The following R3HDM2 variants were observed in gnomAD, a reference collection of about 807,000 sequenced individuals.
R3HDM2 encodes R3H domain-containing protein 2.
Under a neutral mutation model 124.5 loss-of-function variants are expected in R3HDM2, and 38 were observed. The ratio of observed to expected loss-of-function variants is 0.31; its 90% CI spans 0.24 to 0.40. R3HDM2 has a LOEUF of 0.40. R3HDM2 is among the 10% of genes least tolerant of loss of function. The pLI is 1.00. For synonymous variants in R3HDM2, 391 were observed against 448.0 expected, an observed-to-expected ratio of 0.87 and a Z score of 1.61; for missense variants, 869 against 1,236.9, an observed-to-expected ratio of 0.70 and a Z score of 4.46.
intron 1 of R3HDM2, among the ~76,000 whole-genome samples, chr12:57,406,626 C>A (rs981484896): frequency 2.0e-5 from 3 of 152,056 alleles, no homozygotes; most frequent in Admixed American, 6.6e-5. Context: ...CATTTATAAT[C>A]TCTAATGAAG....
At chr12:57,405,042 T>A (rs2068403762) in intron 1 of R3HDM2, among the ~76,000 whole-genome samples, 2 of 152,096 alleles carry the variant, frequency 1.3e-5, no homozygotes, top group Non-Finnish European at 2.9e-5. Context: ...CTTTCTCTTT[T>A]TTCAAGACAG....
At chr12:57,387,958 CAA>C (rs1187584267) in intron 2 of R3HDM2, among the ~76,000 whole-genome samples, 48 of 31,504 alleles carry the variant, frequency 1.5e-3, no homozygotes, top group South Asian at 0.013. Context: ...TCAAGACAGA[CAA>C]AAAAAATTTT....
intron 2 of R3HDM2, among the ~76,000 whole-genome samples, chr12:57,375,751 C>G (rs2138125811): frequency 6.6e-6 from 1 of 150,984 alleles, no homozygotes; most frequent in East Asian, 2.0e-4. Flanking sequence ...CGGCTCACTA[C>G]AACCTCTGAC....
intron 2 of R3HDM2, among the ~76,000 whole-genome samples, chr12:57,332,553 T>C: frequency 6.6e-6 from 1 of 152,138 alleles, no homozygotes; most frequent in East Asian, 1.9e-4. Flanking sequence ...TCAGGATGGC[T>C]TTCCCAAATT....
chr12:57,392,899 G>C (rs1248075668), intron 2 of R3HDM2, among the ~76,000 whole-genome samples: 1 of 151,118 alleles, frequency 6.6e-6, no homozygotes, highest in Non-Finnish European at 1.5e-5. Context: ...CCACCTCCTG[G>C]GTTCACGCCA....
At chr12:57,396,465 TAAAAAATA>T (rs1168893968) in intron 1 of R3HDM2, among the ~76,000 whole-genome samples, 2 of 144,388 alleles carry the variant, frequency 1.4e-5, no homozygotes, top group East Asian at 2.1e-4. Flanking sequence ...ATAAATAAAA[TAAAAAATA>T]AAAAAATAAA....
At chr12:57,262,562 C>T (rs558194352) in intron 19 of R3HDM2, among the ~76,000 whole-genome samples, 8 of 152,274 alleles carry the variant, frequency 5.3e-5, no homozygotes, top group African/African-American at 1.9e-4. Context: ...TAAACCAGAA[C>T]AGTTGTTCCA....
In R3HDM2 at chr12:57,274,650, A is replaced by G. The variant is rs540899703; in HGVS notation, c.1345-4656T>C. Among the ~76,000 whole-genome samples the G allele has an allele frequency of 7.2e-5, 11 of 152,312 alleles. No individual in the cohort carries two copies. The South Asian group carries it at 2.3e-3, about 32-fold the overall frequency. Reference sequence around the variant, plus strand: ...CTATTTTTTTAGTTACTCCACAGCTATCCTCAGCCATAGTTCTCTTCTTGA... The same window carrying G: ...CTATTTTTTTAGTTACTCCACAGCTGTCCTCAGCCATAGTTCTCTTCTTGA... On this transcript the variant is annotated intron_variant, in intron 14 of 23. Transcript: ENST00000402412.
chr12:57,407,982 T>A (rs184913956), intron 1 of R3HDM2, among the ~76,000 whole-genome samples: 32 of 152,096 alleles, frequency 2.1e-4, no homozygotes, highest in African/African-American at 6.5e-4. Context: ...CAGGCTGGAG[T>A]GCAGTGGCGC....
At chr12:57,334,301 T>G (rs1256004723) in intron 2 of R3HDM2, among the ~76,000 whole-genome samples, 1 of 152,220 alleles carries the variant, frequency 6.6e-6, no homozygotes, top group Non-Finnish European at 1.5e-5. Flanking sequence ...ATTTCACAGT[T>G]TCTATATACA....
chr12:57,369,212 A>G (rs1594046734), intron 2 of R3HDM2, among the ~76,000 whole-genome samples: 1 of 152,286 alleles, frequency 6.6e-6, no homozygotes, highest in East Asian at 1.9e-4. Flanking sequence ...ACCTCTTAAA[A>G]GGTGAAGGAC....
At chr12:57,286,724 C>A (rs1193384948) in intron 12 of R3HDM2, among the ~76,000 whole-genome samples, 1 of 152,016 alleles carries the variant, frequency 6.6e-6, no homozygotes, top group East Asian at 1.9e-4. Flanking sequence ...ACTAAAAACA[C>A]AAAATTAGCC....
chr12:57,424,055 G>A (rs527361050), intron 1 of R3HDM2, among the ~76,000 whole-genome samples: 7 of 137,840 alleles, frequency 5.1e-5, no homozygotes, highest in South Asian at 4.7e-4. Flanking sequence ...CGGAGGTTGC[G>A]GTGAGCCAAG....
chr12:57,357,525 T>A (rs2061434622), intron 2 of R3HDM2, among the ~76,000 whole-genome samples: 1 of 152,080 alleles, frequency 6.6e-6, no homozygotes, highest in African/African-American at 2.4e-5. Flanking sequence ...AGTGATGTTG[T>A]CTCTCTCATA....
At chr12:57,328,013 T>C (rs1174772274) in intron 2 of R3HDM2, among the ~76,000 whole-genome samples, 1 of 152,154 alleles carries the variant, frequency 6.6e-6, no homozygotes, top group African/African-American at 2.4e-5. Context: ...AACTGTACCG[T>C]ATGCTCTAGA....
At position 57,254,689 on chromosome 12, in the gene R3HDM2, C is replaced by T. The variant is rs969609888; in HGVS notation, c.*84G>A. The T allele has an allele frequency of 2.4e-6, 3 of 1,230,024 alleles. No homozygotes were observed. Among genetic ancestry groups the T allele is most frequent in the South Asian group, 1.5e-5 (1 of 66,216 alleles). 76.2% of individuals were successfully genotyped at this position (1,230,024 alleles called of 1,614,324 possible). ...TAACATCAGTTTCCTTACTTCCTGC[C>T]TCTGTCCATGGTCTGTCAGGATCCT... is the stretch of plus-strand genomic sequence containing the variant. On this transcript the variant is annotated 3_prime_UTR_variant, in exon 24 of 24. Coordinates refer to ENST00000402412, the MANE Select transcript of R3HDM2 (RefSeq NM_001394031.1).
intron 1 of R3HDM2, 97 bp downstream of exon 1, chr12:57,430,623 G>T (rs1406019968): frequency 1.0e-6 from 1 of 983,374 alleles, no homozygotes. Flanking sequence ...AGGAACCCAG[G>T]CCGCGGGGCC....
chr12:57,401,593 GATTT>G (rs1030175864), intron 1 of R3HDM2, among the ~76,000 whole-genome samples: 44 of 152,316 alleles, frequency 2.9e-4, no homozygotes, highest in South Asian at 1.2e-3. Context: ...GAACAAAATA[GATTT>G]ATTACGAATG....
intron 1 of R3HDM2, among the ~76,000 whole-genome samples, chr12:57,411,615 G>A (rs1015149867): frequency 1.3e-5 from 2 of 152,218 alleles, no homozygotes; most frequent in African/African-American, 4.8e-5. Context: ...AGACTGACAT[G>A]TCTGGTTTCA....
Sources: gnomAD v4.1 joint callset for allele counts (sites outside exome capture counted in the v4.1 genomes callset) on GRCh38, gnomAD v4.1.1 for gene constraint, MANE v1.5 for transcripts, NCBI Gene and HGNC (gene_info 2026-07-23, HGNC 2026-07-21) for gene names.